Variants in BMAL2 observed in about 807,000 individuals in gnomAD.
BMAL2 encodes the protein basic helix-loop-helix ARNT-like protein 2.
chr12:27,411,307 A>G, the BMAL2 span, among the ~76,000 whole-genome samples: 1 of 151,918 alleles, frequency 6.6e-6, no homozygotes, highest in Non-Finnish European at 1.5e-5. Flanking sequence ...GGCTTAGTAC[A>G]TTTAAAAAAA....
At chr12:27,355,260 T>A in the BMAL2 span, among the ~76,000 whole-genome samples, 1 of 152,176 alleles carries the variant, frequency 6.6e-6, no homozygotes, top group East Asian at 1.9e-4. Context: ...GATGTTACAC[T>A]AGGCAACATG....
chr12:27,378,405 G>A, the BMAL2 span, among the ~76,000 whole-genome samples: 1 of 152,214 alleles, frequency 6.6e-6, no homozygotes, highest in African/African-American at 2.4e-5. Context: ...GAATAACTGA[G>A]TTGGATTTTG....
chr12:27,338,307 A>G, the BMAL2 span, among the ~76,000 whole-genome samples: 1 of 152,080 alleles, frequency 6.6e-6, no homozygotes, highest in Non-Finnish European at 1.5e-5. Flanking sequence ...TTGTAATATA[A>G]GGTAGGCACA....
chr12:27,424,603 A>G, the BMAL2 span: 1 of 152,228 alleles, frequency 6.6e-6, no homozygotes, highest in African/African-American at 2.4e-5. Flanking sequence ...GGTACAAGAA[A>G]TAGCCAATAT....
chr12:27,351,298 T>C, the BMAL2 span, among the ~76,000 whole-genome samples: 1 of 152,118 alleles, frequency 6.6e-6, no homozygotes, highest in East Asian at 1.9e-4. Context: ...CTTATTTTTC[T>C]GAATTAAAAA....
the BMAL2 span, among the ~76,000 whole-genome samples, chr12:27,391,978 G>A: frequency 6.6e-6 from 1 of 152,172 alleles, no homozygotes; most frequent in African/African-American, 2.4e-5. Flanking sequence ...GTGGGGATCA[G>A]ATTTTAGCTC....
At chr12:27,401,508 A>G in the BMAL2 span, 5 of 1,568,528 alleles carry the variant, frequency 3.2e-6, no homozygotes, top group East Asian at 4.5e-5. Flanking sequence ...GCTGATAATT[A>G]TCTTTTCTCG....
chr12:27,370,136 A>G, the BMAL2 span: 1 of 1,613,640 alleles, frequency 6.2e-7, no homozygotes, highest in Admixed American at 1.7e-5. Flanking sequence ...CAGGTCAGGA[A>G]TCATGACAGA....
the BMAL2 span, among the ~76,000 whole-genome samples, chr12:27,337,968 TATG>T: frequency 2.0e-5 from 3 of 152,206 alleles, no homozygotes; most frequent in African/African-American, 7.2e-5. Context: ...TTTGTGTGCC[TATG>T]ATAACACTTG....
the BMAL2 span, among the ~76,000 whole-genome samples, chr12:27,383,834 T>C: frequency 6.6e-6 from 1 of 152,184 alleles, no homozygotes; most frequent in Non-Finnish European, 1.5e-5. Context: ...GAGATTTTCT[T>C]TTCCCTATGC....
the BMAL2 span, among the ~76,000 whole-genome samples, chr12:27,335,665 G>A: frequency 3.6e-3 from 553 of 152,162 alleles, 3 homozygotes; most frequent in African/African-American, 0.013. Flanking sequence ...AACCAGGATG[G>A]GCTAATTACT....
chr12:27,404,765 G>A, the BMAL2 span, among the ~76,000 whole-genome samples: 13 of 152,278 alleles, frequency 8.5e-5, no homozygotes, highest in East Asian at 2.3e-3. Flanking sequence ...CAGGACAGTG[G>A]GTGCAGCGCA....
At chr12:27,371,837 A>T in the BMAL2 span, among the ~76,000 whole-genome samples, 1 of 152,284 alleles carries the variant, frequency 6.6e-6, no homozygotes, top group South Asian at 2.1e-4. Flanking sequence ...TCTATTTCTA[A>T]AACTTTTAAA....
chr12:27,393,058 C>T, the BMAL2 span, among the ~76,000 whole-genome samples: 1 of 152,196 alleles, frequency 6.6e-6, no homozygotes, highest in Non-Finnish European at 1.5e-5. Flanking sequence ...CAGTTTCATT[C>T]TCTCTTCTGA....
the BMAL2 span, among the ~76,000 whole-genome samples, chr12:27,410,511 C>G: frequency 7.2e-5 from 11 of 152,030 alleles, no homozygotes; most frequent in Admixed American, 3.3e-4. Context: ...AACCAAACAC[C>G]GCATGTTCTC....
At chr12:27,339,136 A>G in the BMAL2 span, among the ~76,000 whole-genome samples, 1 of 152,042 alleles carries the variant, frequency 6.6e-6, no homozygotes, top group Non-Finnish European at 1.5e-5. Context: ...AATAGGCCTC[A>G]GTGTGTGTTG....
chr12:27,337,638 C>CTGG, the BMAL2 span, among the ~76,000 whole-genome samples: 1 of 152,082 alleles, frequency 6.6e-6, no homozygotes, highest in Non-Finnish European at 1.5e-5. Flanking sequence ...AGGAGGAGAA[C>CTGG]TGGTGTGGGA....
At chr12:27,333,877 T>G in the BMAL2 span, among the ~76,000 whole-genome samples, 1 of 152,270 alleles carries the variant, frequency 6.6e-6, no homozygotes, top group Non-Finnish European at 1.5e-5. Context: ...ATTCTGTAGT[T>G]CCTTACAACG....
At chr12:27,404,253 C>T in the BMAL2 span, among the ~76,000 whole-genome samples, 1 of 142,578 alleles carries the variant, frequency 7.0e-6, no homozygotes, top group African/African-American at 2.6e-5. Context: ...ATACTAATCA[C>T]ATTAAAATAT....
Sources: allele counts gnomAD v4.1 joint callset (sites outside exome capture counted in the v4.1 genomes callset), GRCh38; gene constraint gnomAD v4.1.1; transcripts MANE v1.5; gene names NCBI Gene and HGNC (gene_info 2026-07-23, HGNC 2026-07-21).